Variants in OVCH1 observed in about 807,000 individuals in gnomAD.
OVCH1 encodes the protein ovochymase 1.
In OVCH1, 139 loss-of-function variants were observed where a neutral mutation model predicts 138.4. The ratio of observed to expected loss-of-function variants is 1.00; its 90% CI spans 0.87 to 1.16. The LOEUF (loss-of-function observed/expected upper bound fraction) is 1.16, where lower values mean the gene tolerates loss of function less well. Ranked by LOEUF, OVCH1 falls within the 50% of genes most tolerant of loss-of-function variation. The pLI, the probability that OVCH1 is intolerant of heterozygous loss-of-function variation, is 0.00. For synonymous variants in OVCH1, 453 were observed against 467.8 expected (o/e 0.97, Z 0.41); for missense variants, 1,367 against 1,357.9 (o/e 1.01, Z -0.11).
chr12:29,422,485 G>T (rs1592025720), intron 3 of OVCH1, among the ~76,000 whole-genome samples: 1 of 152,122 alleles, frequency 6.6e-6, no homozygotes, highest in African/African-American at 2.4e-5. Context: ...TAATCAAGAG[G>T]ACCTCCTACT....
chr12:29,452,725 C>G (rs1175440933), intron 21 of OVCH1, among the ~76,000 whole-genome samples: 1 of 152,104 alleles, frequency 6.6e-6, no homozygotes, highest in Non-Finnish European at 1.5e-5. Context: ...CCATGAATTA[C>G]CAACAAGTCA....
chr12:29,486,338 C>A (rs1369787148), exon 8 of OVCH1: 1 of 1,612,372 alleles, frequency 6.2e-7, no homozygotes, highest in East Asian at 2.2e-5. Context: ...GGGGTTGGCC[C>A]CGATCCAAAC....
intron 3 of OVCH1, among the ~76,000 whole-genome samples, chr12:29,417,340 G>C (rs774712785): frequency 2.0e-5 from 3 of 151,750 alleles, no homozygotes; most frequent in African/African-American, 7.3e-5. Flanking sequence ...GCATGCACCT[G>C]TAGTCTCAGC....
At chr12:29,461,628 C>T (rs1275635999) in intron 19 of OVCH1, 8 of 595,658 alleles carry the variant, frequency 1.3e-5, no homozygotes, top group Non-Finnish European at 2.1e-5. Context: ...TCTATGAACC[C>T]ACCGGCCTTT....
At chr12:29,469,605 C>A (rs1358256339) in intron 16 of OVCH1, among the ~76,000 whole-genome samples, 1 of 151,896 alleles carries the variant, frequency 6.6e-6, no homozygotes, top group Non-Finnish European at 1.5e-5. Context: ...GAAAGTGGGG[C>A]ACTGTGGGTC....
At chr12:29,495,753 G>A (rs1169379307) in intron 3 of OVCH1, among the ~76,000 whole-genome samples, 1 of 152,166 alleles carries the variant, frequency 6.6e-6, no homozygotes, top group Non-Finnish European at 1.5e-5. Flanking sequence ...ACAGGATACA[G>A]AAGTTTTTTT....
downstream of OVCH1, among the ~76,000 whole-genome samples, chr12:29,408,868 G>T (rs1024519283): frequency 6.6e-6 from 1 of 152,138 alleles, no homozygotes; most frequent in Non-Finnish European, 1.5e-5. Context: ...GATTGGAATA[G>T]TTTCAGAAGG....
intron 3 of OVCH1, among the ~76,000 whole-genome samples, chr12:29,413,405 A>G (rs10771528): frequency 0.56 from 85,678 of 151,976 alleles, 26,217 homozygotes; most frequent in Middle Eastern, 0.78. Context: ...TGAATCTGAA[A>G]TGACAGTGGA....
At chr12:29,454,717 A>G (rs1941896088) in intron 21 of OVCH1, 124 bp downstream of exon 21, 1 of 803,868 alleles carries the variant, frequency 1.2e-6, no homozygotes, top group Non-Finnish European at 1.9e-6. Context: ...AGCTAAAACT[A>G]CCAACCAGAA....
chr12:29,486,163 T>C (rs1943098831), intron 8 of OVCH1, 87 bp downstream of exon 8: 2 of 1,254,020 alleles, frequency 1.6e-6, no homozygotes, highest in South Asian at 2.7e-5. Context: ...AAAACTCAGA[T>C]TGTGAATATG....
At chr12:29,450,652 G>A (rs553025437) in intron 22 of OVCH1, among the ~76,000 whole-genome samples, 3 of 152,148 alleles carry the variant, frequency 2.0e-5, no homozygotes, top group East Asian at 1.9e-4. Flanking sequence ...TTGACCCAGC[G>A]ATCCCATTCC....
intron 26 of OVCH1, among the ~76,000 whole-genome samples, chr12:29,438,416 A>G (rs190251415): frequency 6.6e-6 from 1 of 152,186 alleles, no homozygotes; most frequent in Non-Finnish European, 1.5e-5. Flanking sequence ...AACTAGTGCT[A>G]TTTACTTTAC....
intron 19 of OVCH1, among the ~76,000 whole-genome samples, chr12:29,458,909 G>T (rs1942040320): frequency 6.6e-6 from 1 of 152,120 alleles, no homozygotes; most frequent in African/African-American, 2.4e-5. Context: ...ATTGATCAGA[G>T]AAATGCAAAT....
intron 11 of OVCH1, 27 bp downstream of exon 11, chr12:29,477,313 CA>C (rs1440571234): frequency 1.2e-6 from 2 of 1,613,582 alleles, no homozygotes; most frequent in African/African-American, 1.3e-5. Flanking sequence ...GGGAAAATGG[CA>C]AGGAATTAAA....
Position 29,439,383 on chromosome 12 carries a change from CT to C in OVCH1, c.3208del (p.Arg1070GlufsTer4). On this transcript the variant is annotated frameshift_variant, in exon 26 of 28. Coordinates refer to ENST00000318184, the Ensembl canonical transcript of OVCH1. LOFTEE classifies it high-confidence loss of function. ...TGTGTTAATAAAATTCAGTTTTTCT[CT>C]TTTTAATATGTCTTTTGTCAGTATC... The C allele has an allele frequency of 1.3e-6, 2 of 1,566,108 alleles. No individual in the cohort carries two copies. Among genetic ancestry groups the C allele is most frequent in the Admixed American group, 1.9e-5 (1 of 52,572 alleles).
At chr12:29,406,539 A>C in the OVCH1 span, among the ~76,000 whole-genome samples, 1 of 151,904 alleles carries the variant, frequency 6.6e-6, no homozygotes, top group Admixed American at 6.6e-5. Flanking sequence ...CCCACCTATG[A>C]GTGAGAATAT....
At chr12:29,411,438 C>T (rs1470927598), downstream of OVCH1, among the ~76,000 whole-genome samples, 1 of 151,640 alleles carries the variant, frequency 6.6e-6, no homozygotes, top group Non-Finnish European at 1.5e-5. Context: ...GTGGTTTTAT[C>T]TACTTTTGGT....
intron 3 of OVCH1, among the ~76,000 whole-genome samples, chr12:29,416,629 A>AT (rs992018999): frequency 1.4e-4 from 21 of 151,726 alleles, no homozygotes; most frequent in South Asian, 2.1e-4. Flanking sequence ...AATGGCTAAC[A>AT]TTTTTTTAAA....
chr12:29,454,343 T>A (rs1396043730), intron 21 of OVCH1, among the ~76,000 whole-genome samples: 1 of 152,186 alleles, frequency 6.6e-6, no homozygotes, highest in Non-Finnish European at 1.5e-5. Context: ...AGAGTGATAA[T>A]AAAATAGAAC....
Sources: allele counts gnomAD v4.1 joint callset (sites outside exome capture counted in the v4.1 genomes callset), GRCh38; gene constraint gnomAD v4.1.1; transcripts MANE v1.5; gene names NCBI Gene and HGNC (gene_info 2026-07-23, HGNC 2026-07-21).